ANK2: variants seen among roughly 807,000 people sequenced by gnomAD.
ANK2 encodes the protein ankyrin-2.
A neutral mutation model predicts 360.5 loss-of-function variants in ANK2; 83 were observed. The ratio of observed to expected loss-of-function variants is 0.23; its 90% CI spans 0.19 to 0.28. The LOEUF is 0.28. ANK2 is among the 10% of genes least tolerant of loss of function. The pLI, the probability that ANK2 is intolerant of heterozygous loss-of-function variation, is 1.00. For missense variants in ANK2, 4,201 were observed against 4,795.7 expected, an observed-to-expected ratio of 0.88 and a Z score of 3.66; for synonymous variants, 1,740 against 1,759.5, an observed-to-expected ratio of 0.99 and a Z score of 0.28.
chr4:113,186,638 AT>A (rs2153316827), intron 2 of ANK2, among the ~76,000 whole-genome samples: 1 of 142,278 alleles, frequency 7.0e-6, no homozygotes, highest in Admixed American at 7.4e-5. Flanking sequence ...TGTATTGATG[AT>A]TGTAAAGAAG....
At chr4:112,872,427 T>C (rs2073479130) in intron 1 of ANK2, among the ~76,000 whole-genome samples, 1 of 151,940 alleles carries the variant, frequency 6.6e-6, no homozygotes, top group South Asian at 2.1e-4. Context: ...AGCCTCTGCC[T>C]CCTGGGTTCA....
At chr4:113,281,400 C>A (rs1006697873) in intron 17 of ANK2, among the ~76,000 whole-genome samples, 2 of 151,906 alleles carry the variant, frequency 1.3e-5, no homozygotes, top group East Asian at 1.9e-4. Context: ...ATTAGCCAGT[C>A]ATGGTGGTGT....
At chr4:113,149,451 T>A (rs986964004) in intron 1 of ANK2, among the ~76,000 whole-genome samples, 2 of 152,162 alleles carry the variant, frequency 1.3e-5, no homozygotes, top group African/African-American at 4.8e-5. Context: ...GATAAGGAAA[T>A]TTTGTTCATA....
chr4:113,227,423 A>G (rs996866999), intron 4 of ANK2, among the ~76,000 whole-genome samples: 4 of 152,170 alleles, frequency 2.6e-5, no homozygotes, highest in African/African-American at 7.2e-5. Flanking sequence ...TAAAATGCAA[A>G]TGTGATTATG....
At chr4:113,104,784 A>G (rs553845641) in intron 1 of ANK2, among the ~76,000 whole-genome samples, 3 of 152,326 alleles carry the variant, frequency 2.0e-5, no homozygotes, top group South Asian at 4.1e-4. Context: ...AAACTGAAAG[A>G]GAATGCAGGA....
At chr4:113,026,072 G>T (rs2059233944) in intron 2 of ANK2, among the ~76,000 whole-genome samples, 1 of 152,146 alleles carries the variant, frequency 6.6e-6, no homozygotes. Context: ...AGCGTATATG[G>T]TACATTTATT....
chr4:113,365,214 TG>T, intron 41 of ANK2, 32 bp downstream of exon 41: 2 of 1,598,484 alleles, frequency 1.3e-6, no homozygotes, highest in East Asian at 2.3e-5. Flanking sequence ...TGTGTGTGTG[TG>T]TGTGTGTGTG....
the ANK2 span, among the ~76,000 whole-genome samples, chr4:112,769,033 C>T: frequency 6.6e-6 from 1 of 152,164 alleles, no homozygotes; most frequent in Non-Finnish European, 1.5e-5. Flanking sequence ...TTCACTTATG[C>T]ATTATGAGGT....
At chr4:112,849,814 G>T (rs1439449399) in intron 1 of ANK2, among the ~76,000 whole-genome samples, 2 of 152,212 alleles carry the variant, frequency 1.3e-5, no homozygotes, top group African/African-American at 4.8e-5. Context: ...TGCCCAGATA[G>T]TTGGTGAACA....
At chr4:113,080,440 AT>A (rs558870778) in intron 1 of ANK2, among the ~76,000 whole-genome samples, 1 of 152,120 alleles carries the variant, frequency 6.6e-6, no homozygotes, top group Non-Finnish European at 1.5e-5. Flanking sequence ...TGTATTTTCC[AT>A]TGTTATTCTT....
intron 1 of ANK2, among the ~76,000 whole-genome samples, chr4:112,851,824 G>A (rs185794375): frequency 2.9e-4 from 44 of 152,142 alleles, no homozygotes; most frequent in Non-Finnish European, 5.3e-4. Flanking sequence ...AGGTTTCACC[G>A]TGTTGGTTAG....
chr4:113,337,870 G>T (rs1293108872), intron 31 of ANK2, among the ~76,000 whole-genome samples: 1 of 152,012 alleles, frequency 6.6e-6, no homozygotes, highest in Non-Finnish European at 1.5e-5. Flanking sequence ...TCTATAATGT[G>T]CAATATAATG....
chr4:113,001,340 A>G (rs1223469341), intron 2 of ANK2, among the ~76,000 whole-genome samples: 1 of 151,898 alleles, frequency 6.6e-6, no homozygotes, highest in Non-Finnish European at 1.5e-5. Flanking sequence ...TCAAAAAAAA[A>G]AAAAAAAAAA....
chr4:112,841,287 T>G (rs2062025385), intron 1 of ANK2, among the ~76,000 whole-genome samples: 4 of 152,252 alleles, frequency 2.6e-5, no homozygotes, highest in African/African-American at 4.8e-5. Flanking sequence ...ACTTTTCAGT[T>G]TCTTTTTTAA....
intron 1 of ANK2, among the ~76,000 whole-genome samples, chr4:113,144,187 G>A (rs2096744983): frequency 6.6e-6 from 1 of 152,072 alleles, no homozygotes; most frequent in African/African-American, 2.4e-5. Flanking sequence ...CTGAATACTG[G>A]CAATGCCTCT....
At chr4:113,331,157 TAAC>T (rs1408439892) in intron 27 of ANK2, among the ~76,000 whole-genome samples, 2 of 152,176 alleles carry the variant, frequency 1.3e-5, no homozygotes, top group Non-Finnish European at 2.9e-5. Flanking sequence ...CAGCTGAAAT[TAAC>T]AAAAGGATGA....
chr4:113,262,675 T>A (rs954887637), intron 13 of ANK2, among the ~76,000 whole-genome samples: 11 of 152,050 alleles, frequency 7.2e-5, no homozygotes, highest in Non-Finnish European at 1.5e-4. Context: ...TAACAAAAAA[T>A]TTTAAAAAGT....
the ANK2 span, among the ~76,000 whole-genome samples, chr4:112,744,364 T>TTTTTTTG: frequency 6.6e-6 from 1 of 151,382 alleles, no homozygotes; most frequent in African/African-American, 2.4e-5. Context: ...TTTTTTTTTT[T>TTTTTTTG]GAGATGGGGT....
the ANK2 span, among the ~76,000 whole-genome samples, chr4:112,713,564 C>T: frequency 6.6e-6 from 1 of 151,364 alleles, no homozygotes; most frequent in African/African-American, 2.4e-5. Context: ...AGTGAAACAC[C>T]GTCTCAAAAA....
Sources: gnomAD v4.1 joint callset for allele counts (sites outside exome capture counted in the v4.1 genomes callset) on GRCh38, gnomAD v4.1.1 for gene constraint, MANE v1.5 for transcripts, NCBI Gene and HGNC (gene_info 2026-07-23, HGNC 2026-07-21) for gene names.